The following NEXMIF variants were observed in gnomAD, a reference collection of about 807,000 sequenced individuals.
NEXMIF encodes the protein XLMR protein related to neurite extension.
A neutral mutation model predicts 62.1 loss-of-function variants in NEXMIF; 8 were observed. The ratio of observed to expected loss-of-function variants is 0.13; its 90% CI spans 0.08 to 0.23. NEXMIF has a LOEUF of 0.23. NEXMIF is among the 10% of genes least tolerant of loss of function. The pLI, the probability that NEXMIF is intolerant of heterozygous loss-of-function variation, is 1.00. For synonymous variants in NEXMIF, 404 were observed against 416.6 expected (o/e 0.97, Z 0.37); for missense variants, 976 against 1,113.3 (o/e 0.88, Z 1.75).
At chrX:74,739,903 A>G (rs759484089) in intron 3 of NEXMIF, 197 bp downstream of exon 3, 3 of 413,803 alleles carry the variant, frequency 7.2e-6, no homozygotes, top group Admixed American at 8.9e-5. Context: ...AAATTGCCCA[A>G]TCTTTTGGGT....
At chrX:74,799,150 C>T (rs2080321544) in intron 1 of NEXMIF, among the ~76,000 whole-genome samples, 1 of 111,239 alleles carries the variant, frequency 9.0e-6, no homozygotes, top group Non-Finnish European at 1.9e-5. Flanking sequence ...CAGGCATGAG[C>T]CATCACACCT....
intron 1 of NEXMIF, among the ~76,000 whole-genome samples, chrX:74,885,543 C>A (rs1216531768): frequency 9.0e-6 from 1 of 111,727 alleles, no homozygotes; most frequent in Non-Finnish European, 1.9e-5. Context: ...ACTAGAAAAT[C>A]TAGAAGAAAT....
rs754532848 is a variant in NEXMIF at position 74,833,014 on chromosome X, G to A, written c.-47-87317C>T. On this transcript the variant is annotated intron_variant, in intron 1 of 3. Transcript: ENST00000055682. ...TATTTTAATTTTTTGAATGCTTTAA[G>A]AGTTGTTTTGTGACCTAACATATGG... Among the ~76,000 whole-genome samples the A allele has an allele frequency of 2.9e-5, 3 of 103,898 alleles. No individual in the cohort carries two copies. In the Admixed American group the frequency reaches 3.1e-4, roughly 11 times the overall value. The allele number at this position is 103,898 out of a possible 115,157, so 90.2% of individuals were successfully genotyped here.
At chrX:74,815,773 T>C (rs2080374105) in intron 1 of NEXMIF, among the ~76,000 whole-genome samples, 1 of 109,552 alleles carries the variant, frequency 9.1e-6, no homozygotes. Context: ...TAGCTGGGAT[T>C]ACAGGCACGT....
chrX:74,756,822 T>C (rs756846253), intron 1 of NEXMIF, among the ~76,000 whole-genome samples: 2 of 111,664 alleles, frequency 1.8e-5, no homozygotes, highest in Non-Finnish European at 3.8e-5. Context: ...CTGGGGGTGC[T>C]GTGCTCATTA....
At chrX:74,882,801 G>C (rs919170617) in intron 1 of NEXMIF, among the ~76,000 whole-genome samples, 1 of 112,184 alleles carries the variant, frequency 8.9e-6, no homozygotes, top group Non-Finnish European at 1.9e-5. Context: ...GAGAGTAGTG[G>C]TTCTCCCAGC....
chrX:74,921,268 T>C (rs1303470537), intron 1 of NEXMIF, among the ~76,000 whole-genome samples: 15 of 110,883 alleles, frequency 1.4e-4, no homozygotes, highest in African/African-American at 4.9e-4. Flanking sequence ...TCCTCACGCC[T>C]ACCTGTAGCT....
chrX:74,862,878 A>T (rs1270803296), intron 1 of NEXMIF, among the ~76,000 whole-genome samples: 1 of 111,457 alleles, frequency 9.0e-6, no homozygotes, highest in Non-Finnish European at 1.9e-5. Flanking sequence ...GCCCATATGA[A>T]AAAGCTAGAA....
At chrX:74,818,265 A>G (rs967965393) in intron 1 of NEXMIF, among the ~76,000 whole-genome samples, 1 of 111,625 alleles carries the variant, frequency 9.0e-6, no homozygotes, top group Non-Finnish European at 1.9e-5. Context: ...GTACTGGTAC[A>G]AAAACAGACA....
chrX:74,831,174 A>G (rs1333759778), intron 1 of NEXMIF, among the ~76,000 whole-genome samples: 1 of 110,076 alleles, frequency 9.1e-6, no homozygotes, highest in African/African-American at 3.3e-5. Context: ...ATTTTTCCAA[A>G]TTTCCCATAA....
intron 1 of NEXMIF, among the ~76,000 whole-genome samples, chrX:74,818,145 C>CA (rs2080382157): frequency 9.2e-6 from 1 of 108,860 alleles, no homozygotes; most frequent in South Asian, 3.9e-4. Flanking sequence ...AATTCAGAAC[C>CA]AAAAAAGAGC....
Position 74,741,697 on chromosome X carries a change from G to C in NEXMIF, c.2860C>G (p.Gln954Glu), listed in dbSNP as rs2080104580. 4.1e-6 allele frequency: 5 copies of C among 1,211,609 alleles called. No individual in the cohort carries two copies. The East Asian group carries it at 1.5e-4, about 36-fold the overall frequency. The change falls in exon 3 of 4, where the codon CAA becomes GAA. Residue 954 changes from glutamine (Q) to glutamate (E), a missense_variant. By Grantham distance (29) the Gln-to-Glu change is conservative. This residue lies in a region of NEXMIF where 639 missense variants were observed against 694.5 expected (regional missense o/e 0.92). Coordinates refer to ENST00000055682, the MANE Select transcript of NEXMIF (RefSeq NM_001008537.3). ...TCATCAGATGGGAGTTGGGTATCTT[G>C]CATGGAGTCATACAGGACCTTGTTG... The part of the protein sequence containing the change: ...NCNKVLYDSM[Q>E]DTQLPSDDSY...
chrX:74,847,896 C>A (rs2080498138), intron 1 of NEXMIF, among the ~76,000 whole-genome samples: 1 of 111,374 alleles, frequency 9.0e-6, no homozygotes, highest in Non-Finnish European at 1.9e-5. Flanking sequence ...CTCATCTCAT[C>A]AAATGACTCT....
At position 74,743,236 on chromosome X, in the gene NEXMIF, C is replaced by T. The variant is rs764458525; in HGVS notation, c.1321G>A (p.Asp441Asn). Reference protein sequence around the residue: ...NSLETSGSFSDDSSFIEISYD... With the variant: ...NSLETSGSFSNDSSFIEISYD... Reference sequence around the variant, plus strand: ...GAGATCTCAATGAAGGAACTATCATCACTGAAACTCCCTGATGTCTCCAGG... The same window carrying T: ...GAGATCTCAATGAAGGAACTATCATTACTGAAACTCCCTGATGTCTCCAGG... The change falls in exon 3 of 4, where the codon GAT (aspartate) becomes AAT (asparagine). Residue 441 changes from aspartate to asparagine, a missense_variant. Coordinates refer to ENST00000055682, the MANE Select transcript of NEXMIF (RefSeq NM_001008537.3). 1.6e-5 allele frequency: 19 copies of T among 1,211,686 alleles called. No homozygotes were observed. The highest frequency in any genetic ancestry group is 2.0e-5 in the Non-Finnish European group (18 of 895,480).
At chrX:74,873,494 G>C in intron 1 of NEXMIF, among the ~76,000 whole-genome samples, 1 of 112,014 alleles carries the variant, frequency 8.9e-6, no homozygotes, top group South Asian at 3.7e-4. Context: ...AAAGTCCTTT[G>C]GGTATATACC....
intron 1 of NEXMIF, among the ~76,000 whole-genome samples, chrX:74,841,090 A>G (rs745918274): frequency 8.9e-6 from 1 of 112,041 alleles, no homozygotes; most frequent in South Asian, 3.7e-4. Context: ...AATTTTAATG[A>G]CATTGATTCT....
At chrX:74,817,874 A>C (rs1273115824) in intron 1 of NEXMIF, among the ~76,000 whole-genome samples, 2 of 111,376 alleles carry the variant, frequency 1.8e-5, no homozygotes, top group South Asian at 7.5e-4. Flanking sequence ...AAAATTAATA[A>C]AATACTTAGG....
At chrX:74,871,057 G>C (rs2080598792) in intron 1 of NEXMIF, among the ~76,000 whole-genome samples, 1 of 111,949 alleles carries the variant, frequency 8.9e-6, no homozygotes, top group African/African-American at 3.2e-5. Flanking sequence ...GCCAGGATTT[G>C]GATGCAACCT....
In NEXMIF at chrX:74,829,590, T is replaced by C. The variant is rs190679787; in HGVS notation, c.-47-83893A>G. ...ACCCAGCAGTGGAATTGCTGGATCA[T>C]ATCATAGCCCTATTTGCATTTTTTT... On this transcript the variant is annotated intron_variant, in intron 1 of 3. Transcript: ENST00000055682. 1.8e-4 allele frequency among the ~76,000 whole-genome samples: 20 copies of C among 111,982 alleles called. No homozygotes were observed. The East Asian group carries it at 4.5e-3, about 25-fold the overall frequency.
Sources: gnomAD v4.1 joint callset for allele counts (sites outside exome capture counted in the v4.1 genomes callset) on GRCh38, gnomAD v4.1.1 for gene constraint, gnomAD v4.1.1 regional missense constraint, MANE v1.5 for transcripts, NCBI Gene and HGNC (gene_info 2026-07-23, HGNC 2026-07-21) for gene names.